Variants in LPP observed in about 807,000 individuals in gnomAD.
LPP encodes LIM domain containing preferred translocation partner in lipoma.
LPP carries 38 observed loss-of-function variants against 60.4 expected under a neutral mutation model. The ratio of observed to expected loss-of-function variants is 0.63; its 90% CI spans 0.49 to 0.83. The LOEUF is 0.83. LPP is among the 40% of genes least tolerant of loss of function. LPP has a pLI of 0.00. For synonymous variants in LPP, 328 were observed against 290.8 expected (o/e 1.13, Z -1.30); for missense variants, 902 against 783.6 (o/e 1.15, Z -1.80).
intron 1 of LPP, among the ~76,000 whole-genome samples, chr3:188,214,462 G>A (rs1560117159): frequency 6.6e-6 from 1 of 152,178 alleles, no homozygotes; most frequent in African/African-American, 2.4e-5. Context: ...ATTTTCCAGT[G>A]CAGGGAAGAT....
In LPP at chr3:188,888,651, A is replaced by G. The variant is rs1770944140; in HGVS notation, c.*14172A>G. On this transcript the variant is annotated 3_prime_UTR_variant, in exon 12 of 12. Coordinates refer to ENST00000617246, the MANE Select transcript of LPP (RefSeq NM_001375462.1). ...GCCTATTCTGAGCAACATAAACGTT[A>G]TTCCTTACATATGTATGTACACACG... 4.5e-6 allele frequency: 1 copy of G among 222,144 alleles called. No homozygotes were observed. Among genetic ancestry groups the G allele is most frequent in the Non-Finnish European group, 9.0e-6 (1 of 111,066 alleles). The allele number at this position is 222,144 out of a possible 1,614,324, so 13.8% of individuals were successfully genotyped here.
intron 6 of LPP, among the ~76,000 whole-genome samples, chr3:188,578,675 A>C (rs1369259949): frequency 6.6e-6 from 1 of 151,294 alleles, no homozygotes; most frequent in African/African-American, 2.4e-5. Flanking sequence ...GACCACATTT[A>C]GTACTTGCTA....
At chr3:188,332,874 G>T (rs1167193620) in intron 2 of LPP, among the ~76,000 whole-genome samples, 1 of 152,006 alleles carries the variant, frequency 6.6e-6, no homozygotes, top group Non-Finnish European at 1.5e-5. Flanking sequence ...CAACCTCCAG[G>T]CTCCATGTGT....
chr3:188,555,732 G>A (rs958027766), intron 6 of LPP, among the ~76,000 whole-genome samples: 1 of 152,038 alleles, frequency 6.6e-6, no homozygotes, highest in Non-Finnish European at 1.5e-5. Flanking sequence ...CAGCCATTTG[G>A]CTTTGAATAT....
chr3:188,565,887 C>A (rs1832017490), intron 6 of LPP, among the ~76,000 whole-genome samples: 1 of 151,842 alleles, frequency 6.6e-6, no homozygotes, highest in Admixed American at 6.6e-5. Context: ...TAGATGAGGA[C>A]TAATGTGTTT....
intron 3 of LPP, among the ~76,000 whole-genome samples, chr3:188,374,249 T>G (rs916352133): frequency 1.2e-4 from 19 of 152,184 alleles, no homozygotes; most frequent in Middle Eastern, 3.4e-3. Flanking sequence ...GTGAAGAAAG[T>G]CATTGGTAGC....
intron 3 of LPP, among the ~76,000 whole-genome samples, chr3:188,393,231 T>C (rs1310864570): frequency 6.6e-6 from 1 of 152,122 alleles, no homozygotes; most frequent in Non-Finnish European, 1.5e-5. Flanking sequence ...AGAAAGAGGC[T>C]GAGTGAATAG....
rs1160715241 is a variant in LPP, at chr3:188,874,710, AT to A, written c.*236del. 2.2e-6 allele frequency: 1 copy of A among 464,560 alleles called. No homozygotes were observed. The highest frequency in any genetic ancestry group is 3.9e-6 in the Non-Finnish European group (1 of 256,938). 28.8% of individuals were successfully genotyped at this position (464,560 alleles called of 1,614,324 possible). ...GGCCTTTGTTCCCAAGGACTTCCAC[AT>A]TTTTGCACAGATTATGCTCCATCCC... On this transcript the variant is annotated 3_prime_UTR_variant, in exon 12 of 12. Coordinates refer to ENST00000617246, the MANE Select transcript of LPP (RefSeq NM_001375462.1).
rs576477497 is a variant in LPP, at chr3:188,562,075, A to G, written c.429+37288A>G. Among the ~76,000 whole-genome samples, 5 of 51,592 alleles carry G rather than the reference A, an allele frequency of 9.7e-5. No individual in the cohort carries two copies. In the Admixed American group the frequency reaches 1.2e-3, roughly 12 times the overall value. The allele number at this position is 51,592 out of a possible 152,430, so 33.8% of individuals were successfully genotyped here. A position where few individuals can be genotyped will look rare whatever the true frequency, so the allele number is the denominator to read the frequency against. ...CACAGACACACACAGACACACACAG[A>G]CACACACACACATACAAACACACAC... On this transcript the variant is annotated intron_variant, in intron 6 of 11. Transcript: ENST00000617246.
chr3:188,617,411 A>C (rs1264532090), intron 7 of LPP, among the ~76,000 whole-genome samples: 1 of 152,160 alleles, frequency 6.6e-6, no homozygotes, highest in African/African-American at 2.4e-5. Flanking sequence ...AGTGACCTTT[A>C]AAAGGTGTAA....
chr3:188,797,962 A>C (rs1348186541), intron 9 of LPP, among the ~76,000 whole-genome samples: 2 of 152,104 alleles, frequency 1.3e-5, no homozygotes, highest in African/African-American at 2.4e-5. Context: ...TTTCTTTACA[A>C]CTCTGAACCT....
intron 1 of LPP, among the ~76,000 whole-genome samples, chr3:188,190,542 A>C (rs1727881404): frequency 6.6e-6 from 1 of 152,224 alleles, no homozygotes; most frequent in African/African-American, 2.4e-5. Flanking sequence ...GTGATGAAGG[A>C]GGCAGGCAAA....
At chr3:188,824,412 C>T (rs1754824779) in intron 9 of LPP, among the ~76,000 whole-genome samples, 1 of 152,210 alleles carries the variant, frequency 6.6e-6, no homozygotes, top group African/African-American at 2.4e-5. Context: ...ATACGAGCCA[C>T]ATTTCAAATG....
intron 4 of LPP, among the ~76,000 whole-genome samples, chr3:188,410,419 C>T (rs1196893565): frequency 6.6e-6 from 1 of 152,158 alleles, no homozygotes; most frequent in African/African-American, 2.4e-5. Context: ...GAAAAATACC[C>T]ACATGTTTTC....
intron 3 of LPP, among the ~76,000 whole-genome samples, chr3:188,357,602 A>G (rs1485910824): frequency 1.3e-5 from 2 of 152,200 alleles, no homozygotes; most frequent in East Asian, 3.9e-4. Context: ...CATGCACAAG[A>G]TATTTATCCA....
At chr3:188,648,521 A>G (rs1337451868) in intron 7 of LPP, among the ~76,000 whole-genome samples, 2 of 152,192 alleles carry the variant, frequency 1.3e-5, no homozygotes, top group Non-Finnish European at 2.9e-5. Context: ...CTCACGTCGT[A>G]TCCAGACACC....
chr3:188,286,681 G>C (rs549748738), intron 2 of LPP, among the ~76,000 whole-genome samples: 56 of 152,238 alleles, frequency 3.7e-4, no homozygotes, highest in Non-Finnish European at 7.5e-4. Flanking sequence ...AAAAAGGAAA[G>C]CCAGCTAACT....
At chr3:188,576,917 A>G (rs1834754839) in intron 6 of LPP, among the ~76,000 whole-genome samples, 3 of 152,332 alleles carry the variant, frequency 2.0e-5, no homozygotes, top group African/African-American at 7.2e-5. Flanking sequence ...ATTTGTTTTC[A>G]GACATCCAGG....
Position 188,341,665 on chromosome 3 carries a change from T to C in LPP, c.-64T>C. The stretch of plus-strand genomic sequence containing the variant: ...CTTATTTCATTTGTAAACACTAGCA[T>C]TGCAGTTGGCTGAACCTTGTGTCAA... On this transcript the variant is annotated splice_region_variant and 5_prime_UTR_variant, in exon 3 of 12. Transcript: ENST00000617246. 1.0e-6 allele frequency: 1 copy of C among 983,720 alleles called. No homozygotes were observed. Among genetic ancestry groups the C allele is most frequent in the Non-Finnish European group, 1.2e-6 (1 of 828,380 alleles). 60.9% of individuals were successfully genotyped at this position (983,720 alleles called of 1,614,324 possible).
Sources: allele counts gnomAD v4.1 joint callset (sites outside exome capture counted in the v4.1 genomes callset), GRCh38; gene constraint gnomAD v4.1.1; transcripts MANE v1.5; gene names NCBI Gene and HGNC (gene_info 2026-07-23, HGNC 2026-07-21).